The following NEBL variants were observed in gnomAD, a reference collection of about 807,000 sequenced individuals.
NEBL encodes the protein nebulette.
NEBL carries 122 observed loss-of-function variants against 140.2 expected under a neutral mutation model. That is an observed-to-expected ratio of 0.87 (90% CI 0.75 to 1.01). The LOEUF (loss-of-function observed/expected upper bound fraction) is 1.01. NEBL is among the 50% of genes least tolerant of loss of function. NEBL has a pLI of 0.00. For missense variants in NEBL, 1,365 were observed against 1,231.3 expected, an observed-to-expected ratio of 1.11 and a Z score of -1.62; for synonymous variants, 436 against 398.9, an observed-to-expected ratio of 1.09 and a Z score of -1.11.
At chr10:20,979,872 A>C (rs1836963337) in intron 3 of NEBL, among the ~76,000 whole-genome samples, 1 of 152,016 alleles carries the variant, frequency 6.6e-6, no homozygotes, top group East Asian at 1.9e-4. Context: ...ATGGTCATCT[A>C]ATTTTTAAAT....
chr10:20,975,946 C>A (rs1056822966), intron 3 of NEBL, among the ~76,000 whole-genome samples: 1 of 152,150 alleles, frequency 6.6e-6, no homozygotes, highest in Non-Finnish European at 1.5e-5. Flanking sequence ...GCCCTACTGA[C>A]CCCATCCAGT....
At chr10:21,050,885 G>C (rs1208576845) in intron 2 of NEBL, among the ~76,000 whole-genome samples, 1 of 152,144 alleles carries the variant, frequency 6.6e-6, no homozygotes, top group Non-Finnish European at 1.5e-5. Flanking sequence ...TGTTTCCTAT[G>C]TTAAAAAATA....
Position 20,787,222 on chromosome 10 carries a change from T to C in NEBL, c.2848A>G (p.Met950Val), listed in dbSNP as rs201838351. Residue 950 changes from methionine (M) to valine (V), a missense_variant, in exon 27 of 28, where the codon ATG becomes GTG. Coordinates refer to ENST00000377122, the MANE Select transcript of NEBL (RefSeq NM_006393.3). ...CTTACTAGATTTGGTGAATGCTGCA[T>C]TGATCTCATGGATGACACACTGGTC... ...HQTSVSSMRS[M>V]QHSPNLRTYR... The C allele has an allele frequency of 4.7e-5, 76 of 1,612,704 alleles. 3 individuals carry two copies. In the South Asian group the frequency reaches 5.0e-4, roughly 11 times the overall value.
chr10:20,952,904 C>CAAAAAAAAAAAAAAAAAAAA (rs34713711), intron 4 of NEBL, among the ~76,000 whole-genome samples: 7 of 62,280 alleles, frequency 1.1e-4, no homozygotes, highest in East Asian at 4.9e-4. Context: ...GACCCTGTCT[C>CAAAAAAAAAAAAAAAAAAAA]AAAAAAAAAA....
At chr10:21,049,993 G>A (rs1257795847) in intron 2 of NEBL, among the ~76,000 whole-genome samples, 1 of 152,192 alleles carries the variant, frequency 6.6e-6, no homozygotes, top group Middle Eastern at 3.2e-3. Flanking sequence ...GAACATGAAA[G>A]GTTACTGAAG....
chr10:21,262,769 C>T (rs1160137250), intron 1 of NEBL, among the ~76,000 whole-genome samples: 1 of 152,136 alleles, frequency 6.6e-6, no homozygotes, highest in Non-Finnish European at 1.5e-5. Flanking sequence ...ATCTGCCATC[C>T]CTCCCTGGTC....
chr10:20,819,545 G>C (rs369401462), intron 19 of NEBL, 29 bp from the exon 20 acceptor site: 210 of 1,613,032 alleles, frequency 1.3e-4, no homozygotes, highest in Non-Finnish European at 1.7e-4. Context: ...GACAGTTTGA[G>C]ATTATGGGAA....
At chr10:20,791,349 A>G (rs1322431000) in intron 26 of NEBL, among the ~76,000 whole-genome samples, 1 of 152,204 alleles carries the variant, frequency 6.6e-6, no homozygotes, top group African/African-American at 2.4e-5. Context: ...AAGTGAATAC[A>G]TGTGAAGATC....
At chr10:20,848,777 C>T (rs1209383027) in intron 11 of NEBL, among the ~76,000 whole-genome samples, 1 of 152,144 alleles carries the variant, frequency 6.6e-6, no homozygotes, top group East Asian at 1.9e-4. Flanking sequence ...TGAAACCCAT[C>T]CCTGGTGCCA....
Position 21,110,808 on chromosome 10 carries a change from T to A in NEBL, c.164+61575A>T, listed in dbSNP as rs1387936413. The A allele has an allele frequency of 6.7e-6, 4 of 594,570 alleles. No individual in the cohort carries two copies. In the East Asian group the frequency reaches 9.3e-5, roughly 14 times the overall value. The allele number at this position is 594,570 out of a possible 1,614,324, so 36.8% of individuals were successfully genotyped here. ...CTTTAAGAACAGTCAGGTTAGGGACTCATGCAAAGGATGAATTGCACATTG... is the reference window on the plus strand; with the variant it reads ...CTTTAAGAACAGTCAGGTTAGGGACACATGCAAAGGATGAATTGCACATTG... On this transcript the variant is annotated intron_variant, in intron 2 of 6. Transcript: ENST00000417816.
intron 19 of NEBL, 48 bp from the exon 20 acceptor site, chr10:20,819,564 G>A (rs180809583): frequency 1.7e-5 from 28 of 1,606,534 alleles, no homozygotes; most frequent in African/African-American, 9.4e-5. Flanking sequence ...AAATAAATAC[G>A]TCCCAAAACA....
At chr10:21,067,263 G>T (rs180747599) in intron 2 of NEBL, among the ~76,000 whole-genome samples, 116 of 152,176 alleles carry the variant, frequency 7.6e-4, no homozygotes, top group African/African-American at 2.6e-3. Context: ...GAGCCACCGC[G>T]CCCAGCCGAA....
chr10:21,174,786 T>C (rs1841259563), upstream of NEBL: 1 of 152,240 alleles, frequency 6.6e-6, no homozygotes, highest in African/African-American at 2.4e-5. Flanking sequence ...CCTCGGATCC[T>C]GGATGAGAAA....
At chr10:20,998,384 C>T (rs1837754287) in intron 3 of NEBL, among the ~76,000 whole-genome samples, 1 of 152,166 alleles carries the variant, frequency 6.6e-6, no homozygotes, top group African/African-American at 2.4e-5. Context: ...CCTTAGCAAA[C>T]AACTGGCTCA....
At chr10:21,144,427 A>G (rs1839792778) in intron 2 of NEBL, among the ~76,000 whole-genome samples, 1 of 152,184 alleles carries the variant, frequency 6.6e-6, no homozygotes, top group South Asian at 2.1e-4. Flanking sequence ...CCTCTTGCTC[A>G]AATAAAATCA....
At chr10:21,031,743 A>G (rs1250810385) in intron 2 of NEBL, among the ~76,000 whole-genome samples, 2 of 152,102 alleles carry the variant, frequency 1.3e-5, no homozygotes, top group African/African-American at 4.8e-5. Flanking sequence ...CCGGGAGCCC[A>G]AGTTGTAGAA....
intron 3 of NEBL, among the ~76,000 whole-genome samples, chr10:21,190,500 A>G (rs758016156): frequency 1.3e-5 from 2 of 152,090 alleles, no homozygotes; most frequent in Non-Finnish European, 2.9e-5. Flanking sequence ...AAAAACAACC[A>G]AAAAACCATC....
Position 20,972,735 on chromosome 10 carries a change from C to T in NEBL, c.250-10956G>A, listed in dbSNP as rs1836634376. ...GCACTCCAGCCTGGTGACAGAGCAACACTCCATCTCAAAAAATAAAATAAA... is the reference window on the plus strand; with the variant it reads ...GCACTCCAGCCTGGTGACAGAGCAATACTCCATCTCAAAAAATAAAATAAA... On this transcript the variant is annotated intron_variant, in intron 3 of 6. Transcript: ENST00000417816. Among the ~76,000 whole-genome samples, 4 of 151,644 alleles carry T rather than the reference C, an allele frequency of 2.6e-5. 1 individual carries two copies. In the South Asian group the frequency reaches 8.3e-4, roughly 32 times the overall value.
At position 20,870,608 on chromosome 10, in the gene NEBL, T is replaced by A. The variant is rs1844825597; in HGVS notation, c.481-767A>T. Among the ~76,000 whole-genome samples the A allele has an allele frequency of 2.0e-5, 3 of 152,172 alleles. No homozygotes were observed. In the South Asian group the frequency reaches 6.2e-4, roughly 31 times the overall value. ...GATGGTGGGTGGTGAAGCTCTGTAG[T>A]TCTCCAGCATTTGCCCTTTCAACTA... On this transcript the variant is annotated intron_variant, in intron 5 of 27. Transcript: ENST00000377122.
Sources: allele counts gnomAD v4.1 joint callset (sites outside exome capture counted in the v4.1 genomes callset), GRCh38; gene constraint gnomAD v4.1.1; transcripts MANE v1.5; gene names NCBI Gene and HGNC (gene_info 2026-07-23, HGNC 2026-07-21).